The following REST variants were observed in gnomAD, a reference collection of about 807,000 sequenced individuals.
The protein encoded by REST is RE1-silencing transcription factor.
A neutral mutation model predicts 30.4 loss-of-function variants in REST; 1 was observed. The ratio of observed to expected loss-of-function variants is 0.03; its 90% CI spans 0.01 to 0.16. REST has a LOEUF of 0.16. Ranked by LOEUF, REST falls within the 10% of genes least tolerant of loss-of-function variation. The pLI, the probability that REST is intolerant of heterozygous loss-of-function variation, is 1.00. For missense variants in REST, 1,259 were observed against 1,329.5 expected (o/e 0.95, Z 0.82); for synonymous variants, 504 against 451.1 (o/e 1.12, Z -1.49).
At chr4:56,910,405 A>G (rs188391123) in intron 1 of REST, among the ~76,000 whole-genome samples, 382 of 152,348 alleles carry the variant, frequency 2.5e-3, no homozygotes, top group Non-Finnish European at 3.7e-3. Flanking sequence ...AATTGGTAGA[A>G]TTGTTTTATA....
intron 1 of REST, 121 bp from the exon 2 acceptor site, chr4:56,910,509 C>G: frequency 1.3e-6 from 1 of 751,822 alleles, no homozygotes; most frequent in Non-Finnish European, 2.0e-6. Context: ...ATGAAGTTTA[C>G]TGAGTTATAA....
In REST at chr4:56,931,157, C is replaced by T; in HGVS notation, c.2299C>T (p.Pro767Ser). Residue 767 changes from proline to serine, a missense_variant, in exon 4 of 4, where the codon CCT becomes TCT. Around this residue, in one of 5 missense-constraint regions of REST, gnomAD observed 856 missense variants for 772.8 expected, o/e 1.11. Coordinates refer to ENST00000309042, the MANE Select transcript of REST (RefSeq NM_005612.5). ...QKEPVKIELS[P>S]PIEVVQKEPV... ...GGAACCTGTTAAGATAGAGCTGTCT[C>T]CTCCCATAGAGGTGGTCCAGAAGGA... 2 of 1,607,920 alleles carry T rather than the reference C, an allele frequency of 1.2e-6. No homozygotes were observed. Among genetic ancestry groups the T allele is most frequent in the South Asian group, 2.2e-5 (2 of 90,864 alleles).
At chr4:56,913,024 C>T (rs375011854) in intron 2 of REST, among the ~76,000 whole-genome samples, 12 of 152,064 alleles carry the variant, frequency 7.9e-5, no homozygotes, top group African/African-American at 2.7e-4. Context: ...TCTTGAACAC[C>T]TGGCCTCAAG....
chr4:56,924,107 C>T (rs2109556856), intron 3 of REST, among the ~76,000 whole-genome samples: 1 of 152,278 alleles, frequency 6.6e-6, no homozygotes, highest in East Asian at 1.9e-4. Context: ...GTTCTCTTGT[C>T]TCAGCCTCCC....
At chr4:56,924,844 G>A (rs1720611128) in intron 3 of REST, among the ~76,000 whole-genome samples, 1 of 151,964 alleles carries the variant, frequency 6.6e-6, no homozygotes, top group South Asian at 2.1e-4. Context: ...GTAATGTATT[G>A]TATGCCGCCA....
chr4:56,931,891 C>G lies in REST; in HGVS notation c.3033C>G (p.Ile1011Met). The G allele has an allele frequency of 6.2e-7, 1 of 1,614,192 alleles. No individual in the cohort carries two copies. Among genetic ancestry groups the G allele is most frequent in the Non-Finnish European group, 8.5e-7 (1 of 1,180,038 alleles). Reference protein sequence around the residue: ...ESQEIDEDEGIHSHEGSDLSD... With the variant: ...ESQEIDEDEGMHSHEGSDLSD... ...AGGAAATTGATGAAGATGAAGGCATCCACAGCCATGAAGGAAGTGACCTAA... is the reference window on the plus strand; with the variant it reads ...AGGAAATTGATGAAGATGAAGGCATGCACAGCCATGAAGGAAGTGACCTAA... Residue 1011 changes from isoleucine (I) to methionine (M), a missense_variant, in exon 4 of 4, where the codon ATC becomes ATG. Coordinates refer to ENST00000309042, the MANE Select transcript of REST (RefSeq NM_005612.5).
intron 3 of REST, among the ~76,000 whole-genome samples, chr4:56,924,965 A>G (rs1210478483): frequency 6.6e-6 from 1 of 152,048 alleles, no homozygotes; most frequent in East Asian, 1.9e-4. Flanking sequence ...CAGAAGTTCA[A>G]GACCAGGCTG....
At position 56,933,701 on chromosome 4, in the gene REST, T is replaced by G. The variant is rs1308223856; in HGVS notation, c.*1549T>G. ...TACTCCAAAACATTTTTGTAGGTTC[T>G]TTGGCCAGTTGCCAAAGAGTGTGAA... is the stretch of plus-strand genomic sequence containing the variant. On this transcript the variant is annotated 3_prime_UTR_variant, in exon 4 of 4. Transcript: ENST00000309042. 1 of 152,236 alleles carries G rather than the reference T, an allele frequency of 6.6e-6. No homozygotes were observed. The highest frequency in any genetic ancestry group is 2.4e-5 in the African/African-American group (1 of 41,466). The allele number at this position is 152,236 out of a possible 1,614,324, so 9.4% of individuals were successfully genotyped here.
At chr4:56,920,774 G>A (rs1313089481) in intron 3 of REST, among the ~76,000 whole-genome samples, 1 of 152,126 alleles carries the variant, frequency 6.6e-6, no homozygotes, top group Non-Finnish European at 1.5e-5. Context: ...AAGTATTCAA[G>A]TGGCCAAGTT....
chr4:56,931,237 T>C lies in REST; in HGVS notation c.2379T>C (p.Ala793=). 6.2e-7 allele frequency: 1 copy of C among 1,614,192 alleles called. No homozygotes were observed. The highest frequency in any genetic ancestry group is 1.1e-5 in the South Asian group (1 of 91,080). Reference sequence around the variant, plus strand: ...TGGGGGTGGTTCAGAAGGAGCCTGCTCAGAGGGAGCCACCTCCTCCCAGAG... The same window carrying C: ...TGGGGGTGGTTCAGAAGGAGCCTGCCCAGAGGGAGCCACCTCCTCCCAGAG... ...PPMGVVQKEP[A]QREPPPPREP... Residue 793 remains alanine, a synonymous_variant, in exon 4 of 4, where the codon GCT becomes GCC. Coordinates refer to ENST00000309042, the MANE Select transcript of REST (RefSeq NM_005612.5).
Position 56,910,757 on chromosome 4 carries a change from A to T in REST, c.119A>T (p.Glu40Val), listed in dbSNP as rs1267572500. 1 of 1,614,106 alleles carries T rather than the reference A, an allele frequency of 6.2e-7. No homozygotes were observed. Among genetic ancestry groups the T allele is most frequent in the Non-Finnish European group, 8.5e-7 (1 of 1,180,054 alleles). Residue 40 changes from glutamate (E) to valine (V), a missense_variant, in exon 2 of 4, where the codon GAA becomes GTA. By Grantham distance (121) the Glu-to-Val change is moderately radical (BLOSUM62 -2). Transcript: ENST00000309042. ...MYDLHDLSKA[E>V]LAAPQLIMLA... ...GACTTGCATGACCTTTCCAAAGCTG[A>T]ACTGGCCGCACCTCAGCTTATTATG...
chr4:56,918,514 A>G (rs193091371), intron 2 of REST, among the ~76,000 whole-genome samples: 112 of 152,108 alleles, frequency 7.4e-4, no homozygotes, highest in African/African-American at 2.5e-3. Context: ...TAAAAAGAAA[A>G]TTGATGACCT....
chr4:56,921,374 T>TA (rs1463019200), intron 3 of REST, among the ~76,000 whole-genome samples: 1 of 152,174 alleles, frequency 6.6e-6, no homozygotes, highest in Non-Finnish European at 1.5e-5. Flanking sequence ...ACTTATAAAA[T>TA]ATGTACTTAC....
At chr4:56,910,011 T>G (rs1050429779) in intron 1 of REST, among the ~76,000 whole-genome samples, 1 of 152,224 alleles carries the variant, frequency 6.6e-6, no homozygotes, top group Non-Finnish European at 1.5e-5. Flanking sequence ...TAAATGTTTT[T>G]TCTTTTAAGC....
At chr4:56,912,432 A>C (rs1719975964) in intron 2 of REST, among the ~76,000 whole-genome samples, 1 of 143,576 alleles carries the variant, frequency 7.0e-6, no homozygotes, top group Non-Finnish European at 1.5e-5. Context: ...CCTCTGCCTC[A>C]GGGTTCAAGT....
intron 3 of REST, among the ~76,000 whole-genome samples, chr4:56,921,200 G>A (rs1432895176): frequency 6.6e-6 from 1 of 152,068 alleles, no homozygotes; most frequent in East Asian, 1.9e-4. Context: ...GATTTAGAAT[G>A]TATATCCCTG....
intron 1 of REST, chr4:56,909,151 C>T (rs1251530969): frequency 6.6e-6 from 1 of 152,498 alleles, no homozygotes; most frequent in East Asian, 1.9e-4. Flanking sequence ...ATCCCCTCCC[C>T]CGTTTTAGTG....
intron 3 of REST, 53 bp from the exon 4 acceptor site, chr4:56,929,788 T>C (rs1720881456): frequency 6.7e-7 from 1 of 1,498,774 alleles, no homozygotes; most frequent in South Asian, 1.3e-5. Context: ...TATATTTTAA[T>C]CTTGAATTTG....
intron 3 of REST, among the ~76,000 whole-genome samples, chr4:56,921,258 C>A (rs1400325121): frequency 2.0e-5 from 3 of 152,148 alleles, no homozygotes; most frequent in African/African-American, 7.2e-5. Context: ...TATGTAGAAC[C>A]ATCTCCCTTA....
Sources: allele counts gnomAD v4.1 joint callset (sites outside exome capture counted in the v4.1 genomes callset), GRCh38; gene constraint gnomAD v4.1.1; regional missense constraint gnomAD v4.1.1; transcripts MANE v1.5; gene names NCBI Gene and HGNC (gene_info 2026-07-23, HGNC 2026-07-21).